MYO5C: variants seen among roughly 807,000 people sequenced by gnomAD.
MYO5C encodes the protein unconventional myosin-Vc.
MYO5C carries 194 observed loss-of-function variants against 235.7 expected under a neutral mutation model. That is an observed-to-expected ratio of 0.82 (90% CI 0.73 to 0.93). The LOEUF (loss-of-function observed/expected upper bound fraction) is 0.93. Among genes scored for constraint, MYO5C ranks in the 40% least tolerant of loss-of-function variants. The pLI is 0.00. For missense variants in MYO5C, 2,038 were observed against 2,127.2 expected (o/e 0.96, Z 0.82); for synonymous variants, 707 against 754.8 (o/e 0.94, Z 1.04).
intron 8 of MYO5C, among the ~76,000 whole-genome samples, chr15:52,264,574 C>T (rs1388909431): frequency 6.6e-6 from 1 of 152,202 alleles, no homozygotes; most frequent in East Asian, 1.9e-4. Context: ...CATTAGGTTC[C>T]TCGGAGAGTC....
At chr15:52,206,027 C>G (rs572982802) in intron 36 of MYO5C, 61 bp from the exon 37 acceptor site, 1 of 1,044,768 alleles carries the variant, frequency 9.6e-7, no homozygotes, top group East Asian at 2.7e-5. Flanking sequence ...AATTAATAAT[C>G]AGCTACTATA....
chr15:52,220,664 C>CA (rs34771845), intron 30 of MYO5C, among the ~76,000 whole-genome samples: 45,267 of 142,546 alleles, frequency 0.32, 8,067 homozygotes, highest in East Asian at 0.55. Context: ...ACTAAAAATA[C>CA]AAAAAAAAAA....
At position 52,234,356 on chromosome 15, in the gene MYO5C, T is replaced by C. The variant is rs117299082; in HGVS notation, c.2962+1314A>G. On this transcript the variant is annotated intron_variant, in intron 23 of 40. Transcript: ENST00000261839. ...CAGTTTATAAATATTACATTGAAAG[T>C]TTTCATGGACTTTTTGGAAGAGGAT... 8.5e-5 allele frequency among the ~76,000 whole-genome samples: 13 copies of C among 152,230 alleles called. No homozygotes were observed. In the East Asian group the frequency reaches 2.3e-3, roughly 27 times the overall value.
At chr15:52,269,941 T>C in intron 7 of MYO5C, 81 bp from the exon 8 acceptor site, 2 of 958,808 alleles carry the variant, frequency 2.1e-6, no homozygotes, top group South Asian at 2.6e-5. Flanking sequence ...GGGAAGTTCA[T>C]ACTCAAAGAA....
chr15:52,253,226 C>T, intron 12 of MYO5C, 91 bp downstream of exon 12: 1 of 1,254,822 alleles, frequency 8.0e-7, no homozygotes, highest in Non-Finnish European at 1.1e-6. Context: ...AACATCAGGA[C>T]TTCACAAGCA....
In MYO5C at chr15:52,209,651, CA is replaced by C. The variant is rs1348408638; in HGVS notation, c.4297-1009del. Among the ~76,000 whole-genome samples the C allele has an allele frequency of 4.6e-5, 7 of 152,256 alleles. No individual in the cohort carries two copies. The East Asian group carries it at 1.2e-3, about 25-fold the overall frequency. ...TATTTGGCGAAACATTCCAGAGCAT[CA>C]AGGGGAAGCAAATACTGTGTGTCCT... On this transcript the variant is annotated intron_variant, in intron 35 of 40. Transcript: ENST00000261839.
At chr15:52,211,951 C>T in intron 34 of MYO5C, 67 bp from the exon 35 acceptor site, 1 of 1,532,278 alleles carries the variant, frequency 6.5e-7, no homozygotes, top group Non-Finnish European at 8.9e-7. Flanking sequence ...GAACTTGTGA[C>T]TAGGGGCAGG....
intron 32 of MYO5C, among the ~76,000 whole-genome samples, chr15:52,217,503 A>G (rs1370311664): frequency 1.3e-5 from 2 of 152,196 alleles, no homozygotes; most frequent in Non-Finnish European, 1.5e-5. Context: ...CACAGGAGGC[A>G]AGGCAAGGCA....
chr15:52,256,968 G>T, intron 10 of MYO5C: 1 of 423,172 alleles, frequency 2.4e-6, no homozygotes, highest in Non-Finnish European at 4.3e-6. Context: ...ATTAAAATAA[G>T]CATGTCACCA....
At chr15:52,247,396 C>T (rs748283595) in intron 15 of MYO5C, 62 bp downstream of exon 15, 14 of 1,572,614 alleles carry the variant, frequency 8.9e-6, no homozygotes, top group African/African-American at 1.4e-5. Context: ...CTCTGAGTGC[C>T]CTGGCTCCCC....
chr15:52,275,025 A>C (rs1330026411), intron 5 of MYO5C, among the ~76,000 whole-genome samples: 1 of 152,106 alleles, frequency 6.6e-6, no homozygotes, highest in Non-Finnish European at 1.5e-5. Flanking sequence ...CCCCCTGGGC[A>C]CCGTCACGGT....
At chr15:52,195,574 A>T in intron 39 of MYO5C, 117 bp from the exon 40 acceptor site, 3 of 620,746 alleles carry the variant, frequency 4.8e-6, no homozygotes, top group Non-Finnish European at 7.7e-6. Context: ...TTAGCCTATA[A>T]TTTGGTTCAG....
At chr15:52,269,373 T>C (rs954183114) in intron 8 of MYO5C, among the ~76,000 whole-genome samples, 11 of 148,338 alleles carry the variant, frequency 7.4e-5, no homozygotes, top group African/African-American at 2.7e-4. Context: ...TTGCTGGGAA[T>C]CCCCACCTTT....
chr15:52,204,886 C>G lies in MYO5C; in HGVS notation c.4799G>C (p.Cys1600Ser), dbSNP rs997906799. The part of the protein sequence containing the change: ...SLFLRKDMCS[C>S]RKGMQIRCNI... The stretch of plus-strand genomic sequence containing the variant: ...TTACCTGATCTGCATCCCTTTTCTG[C>G]AGGAGCACATGTCCTTGCGCAGGAA... The change falls in exon 38 of 41, where the codon TGC becomes TCC. Residue 1600 changes from cysteine to serine, a missense_variant. Physicochemically the swap from Cys to Ser is moderately radical, Grantham distance 112. Transcript: ENST00000261839. 1.2e-6 allele frequency: 2 copies of G among 1,614,100 alleles called. No homozygotes were observed. The highest frequency in any genetic ancestry group is 1.7e-6 in the Non-Finnish European group (2 of 1,179,994).
intron 1 of MYO5C, among the ~76,000 whole-genome samples, chr15:52,286,637 T>C (rs1404699669): frequency 6.6e-6 from 1 of 152,134 alleles, no homozygotes; most frequent in Non-Finnish European, 1.5e-5. Context: ...ATCTGTGACC[T>C]TGCCCCCAAC....
rs750700262 is a variant in MYO5C at position 52,195,461 on chromosome 15, C to CA, written c.4996-5dup. 9 of 1,596,996 alleles carry CA rather than the reference C, an allele frequency of 5.6e-6. No individual in the cohort carries two copies. The highest frequency in any genetic ancestry group is 7.7e-6 in the Non-Finnish European group (9 of 1,166,044). On this transcript the variant is annotated splice_polypyrimidine_tract_variant and splice_region_variant and intron_variant, in intron 39 of 40. Transcript: ENST00000261839. ...ATGAATTAAGGATCTTTATGATCTGCAAACGGTACATAACATGGTGTTAGA... is the reference window on the plus strand; with the variant it reads ...ATGAATTAAGGATCTTTATGATCTGCAAAACGGTACATAACATGGTGTTAGA...
chr15:52,291,603 C>T (rs1427341023), intron 1 of MYO5C, among the ~76,000 whole-genome samples: 3 of 152,010 alleles, frequency 2.0e-5, no homozygotes, highest in Admixed American at 6.5e-5. Context: ...CCAAAACTAG[C>T]GGCCAAACCT....
At chr15:52,263,582 C>T (rs1171930140) in intron 9 of MYO5C, among the ~76,000 whole-genome samples, 2 of 152,142 alleles carry the variant, frequency 1.3e-5, no homozygotes, top group African/African-American at 2.4e-5. Context: ...GTCACTCACC[C>T]TCTGGATACA....
At chr15:52,194,677 A>C (rs549458284) in intron 40 of MYO5C, among the ~76,000 whole-genome samples, 14 of 151,848 alleles carry the variant, frequency 9.2e-5, no homozygotes, top group African/African-American at 3.4e-4. Flanking sequence ...ATTTTTGCAA[A>C]TCTCTTTCAT....
Sources: allele counts gnomAD v4.1 joint callset (sites outside exome capture counted in the v4.1 genomes callset), GRCh38; gene constraint gnomAD v4.1.1; transcripts MANE v1.5; gene names NCBI Gene and HGNC (gene_info 2026-07-23, HGNC 2026-07-21).